ANGPT1: variants seen among roughly 807,000 people sequenced by gnomAD.
The protein encoded by ANGPT1 is angiopoietin-1.
ANGPT1 carries 17 observed loss-of-function variants against 62.2 expected under a neutral mutation model. The ratio of observed to expected loss-of-function variants is 0.27; its 90% CI spans 0.19 to 0.41. The LOEUF (loss-of-function observed/expected upper bound fraction) is 0.41, where lower values mean the gene tolerates loss of function less well. ANGPT1 is among the 10% of genes least tolerant of loss of function. The pLI, the probability that ANGPT1 is intolerant of heterozygous loss-of-function variation, is 1.00. For missense variants in ANGPT1, 478 were observed against 594.9 expected, an observed-to-expected ratio of 0.80 and a Z score of 2.04; for synonymous variants, 199 against 198.9, an observed-to-expected ratio of 1.00 and a Z score of 0.00.
rs140612823 is a variant in ANGPT1 at position 107,266,342 on chromosome 8, T to C, written c.1206-1991A>G. On this transcript the variant is annotated intron_variant, in intron 7 of 8. Transcript: ENST00000517746. Reference sequence around the variant, plus strand: ...TCAGCCTCCCAAAGATAGACACACATTGGCAAAACTAACAAGAGACTTTTG... The same window carrying C: ...TCAGCCTCCCAAAGATAGACACACACTGGCAAAACTAACAAGAGACTTTTG... Among the ~76,000 whole-genome samples, 324 of 152,252 alleles carry C rather than the reference T, an allele frequency of 2.1e-3. 3 individuals carry two copies. The highest frequency in any genetic ancestry group is 6.8e-3 in the Middle Eastern group (2 of 294).
intron 8 of ANGPT1, among the ~76,000 whole-genome samples, chr8:107,263,280 G>A (rs1813535871): frequency 6.9e-6 from 1 of 143,890 alleles, no homozygotes; most frequent in Non-Finnish European, 1.5e-5. Context: ...CTTGAACCCA[G>A]GAGGTGGAGG....
intron 1 of ANGPT1, among the ~76,000 whole-genome samples, chr8:107,394,321 G>A (rs1413659923): frequency 6.6e-6 from 1 of 152,148 alleles, no homozygotes; most frequent in African/African-American, 2.4e-5. Context: ...GAATATACAA[G>A]CAAGAAACTA....
intron 1 of ANGPT1, among the ~76,000 whole-genome samples, chr8:107,417,022 C>A (rs746813378): frequency 6.6e-6 from 1 of 152,048 alleles, no homozygotes; most frequent in Non-Finnish European, 1.5e-5. Flanking sequence ...AATTCCTGAC[C>A]TCGTGATCCG....
At chr8:107,430,096 T>C (rs1811141963) in intron 1 of ANGPT1, among the ~76,000 whole-genome samples, 2 of 152,164 alleles carry the variant, frequency 1.3e-5, no homozygotes, top group Admixed American at 1.3e-4. Flanking sequence ...GCTTTTTTTG[T>C]TTGTGTGTGT....
At chr8:107,273,449 C>T (rs1813787331) in intron 7 of ANGPT1, among the ~76,000 whole-genome samples, 1 of 151,998 alleles carries the variant, frequency 6.6e-6, no homozygotes, top group Non-Finnish European at 1.5e-5. Context: ...TATTTGTCTC[C>T]ACAATCAGTA....
chr8:107,487,805 G>A (rs1247103328), intron 1 of ANGPT1, among the ~76,000 whole-genome samples: 1 of 152,174 alleles, frequency 6.6e-6, no homozygotes, highest in Non-Finnish European at 1.5e-5. Context: ...TTCTTGGTAA[G>A]TGCCATGTAT....
intron 4 of ANGPT1, among the ~76,000 whole-genome samples, chr8:107,312,063 CAAAAA>C (rs927603600): frequency 7.0e-5 from 5 of 71,058 alleles, no homozygotes; most frequent in Admixed American, 1.6e-4. Flanking sequence ...GACTCCGTTT[CAAAAA>C]AAAAAAAAAA....
At chr8:107,349,130 A>G (rs1815875700) in intron 1 of ANGPT1, among the ~76,000 whole-genome samples, 1 of 150,008 alleles carries the variant, frequency 6.7e-6, no homozygotes, top group African/African-American at 2.4e-5. Context: ...GATTAGATAG[A>G]TAGATAGATA....
intron 1 of ANGPT1, among the ~76,000 whole-genome samples, chr8:107,449,752 A>C (rs1229135085): frequency 2.6e-5 from 4 of 151,994 alleles, no homozygotes; most frequent in East Asian, 3.8e-4. Flanking sequence ...TTGATTTCTT[A>C]GTTTGTGCAA....
At chr8:107,379,989 C>T (rs951991979) in intron 1 of ANGPT1, among the ~76,000 whole-genome samples, 1 of 152,144 alleles carries the variant, frequency 6.6e-6, no homozygotes, top group Non-Finnish European at 1.5e-5. Context: ...AACTTCCACA[C>T]AAAAATCTAA....
intron 2 of ANGPT1, among the ~76,000 whole-genome samples, chr8:107,339,445 G>C (rs183811825): frequency 6.6e-6 from 1 of 152,084 alleles, no homozygotes; most frequent in African/African-American, 2.4e-5. Flanking sequence ...TGCACTTGCA[G>C]TTTCCTCTGC....
intron 1 of ANGPT1, among the ~76,000 whole-genome samples, chr8:107,477,365 C>T (rs770017896): frequency 4.6e-5 from 7 of 152,114 alleles, no homozygotes; most frequent in East Asian, 1.9e-4. Flanking sequence ...TACATTTAGA[C>T]GTGGCTGGAA....
chr8:107,399,933 A>T (rs1817011891), intron 1 of ANGPT1, among the ~76,000 whole-genome samples: 1 of 152,186 alleles, frequency 6.6e-6, no homozygotes, highest in Non-Finnish European at 1.5e-5. Context: ...AGGAGAGTTC[A>T]GCATGAAAGT....
intron 4 of ANGPT1, among the ~76,000 whole-genome samples, chr8:107,303,788 G>A (rs1399882462): frequency 6.6e-6 from 1 of 151,750 alleles, no homozygotes; most frequent in Non-Finnish European, 1.5e-5. Flanking sequence ...ACTTTTTGGA[G>A]CAGGAAGACA....
At chr8:107,254,062 G>C (rs950199247) in intron 8 of ANGPT1, among the ~76,000 whole-genome samples, 6 of 152,010 alleles carry the variant, frequency 3.9e-5, no homozygotes, top group Non-Finnish European at 2.9e-5. Context: ...TTTGTATATT[G>C]GCCCATCTCC....
chr8:107,407,202 T>C (rs1817166206), intron 1 of ANGPT1, among the ~76,000 whole-genome samples: 1 of 151,968 alleles, frequency 6.6e-6, no homozygotes, highest in African/African-American at 2.4e-5. Flanking sequence ...GTTTAATTCA[T>C]GATACAAGCA....
chr8:107,295,006 C>G (rs1381873782), intron 5 of ANGPT1: 2 of 152,138 alleles, frequency 1.3e-5, no homozygotes, highest in Non-Finnish European at 2.9e-5. Flanking sequence ...TATGAGGACA[C>G]AGAGCTAAGC....
chr8:107,415,575 C>G (rs556983549), intron 1 of ANGPT1, among the ~76,000 whole-genome samples: 1 of 152,260 alleles, frequency 6.6e-6, no homozygotes, highest in East Asian at 1.9e-4. Context: ...TATCCTGTTA[C>G]ATGATGTAAT....
chr8:107,485,455 T>C (rs1586362723), intron 1 of ANGPT1, among the ~76,000 whole-genome samples: 1 of 152,086 alleles, frequency 6.6e-6, no homozygotes, highest in Admixed American at 6.6e-5. Flanking sequence ...ATGCAACTGA[T>C]ACTCAGCAAG....
Sources: gnomAD v4.1 joint callset for allele counts (sites outside exome capture counted in the v4.1 genomes callset) on GRCh38, gnomAD v4.1.1 for gene constraint, MANE v1.5 for transcripts, NCBI Gene and HGNC (gene_info 2026-07-23, HGNC 2026-07-21) for gene names.